SLC14A2: variants seen among roughly 807,000 people sequenced by gnomAD.
SLC14A2 encodes the protein urea transporter 2.
Under a neutral mutation model 104.6 loss-of-function variants are expected in SLC14A2, and 91 were observed. The observed-to-expected ratio is 0.87, with a 90% CI of 0.73 to 1.04. The LOEUF is 1.04. Among genes scored for constraint, SLC14A2 ranks in the 50% least tolerant of loss-of-function variants. SLC14A2 has a pLI of 0.00. For synonymous variants in SLC14A2, 476 were observed against 466.4 expected, an observed-to-expected ratio of 1.02 and a Z score of -0.27; for missense variants, 1,189 against 1,156.0, an observed-to-expected ratio of 1.03 and a Z score of -0.41.
intron 1 of SLC14A2, among the ~76,000 whole-genome samples, chr18:45,358,404 G>C (rs1166809430): frequency 2.6e-5 from 4 of 152,124 alleles, no homozygotes; most frequent in Admixed American, 6.5e-5. Flanking sequence ...ACCACTCCCT[G>C]CTCCTATAGG....
At chr18:45,426,730 C>CACACACACACAT (rs1352896029) in intron 1 of SLC14A2, among the ~76,000 whole-genome samples, 56 of 150,048 alleles carry the variant, frequency 3.7e-4, no homozygotes, top group African/African-American at 1.4e-3. Context: ...CACACACACA[C>CACACACACACAT]ACATACATAC....
intron 2 of SLC14A2, chr18:45,527,871 GACCAAA>G (rs1197842168): frequency 5.9e-5 from 9 of 152,112 alleles, no homozygotes; most frequent in African/African-American, 1.9e-4. Context: ...CTATTCTTGT[GACCAAA>G]TCAACAGCTC....
the SLC14A2 span, among the ~76,000 whole-genome samples, chr18:45,169,601 G>A: frequency 6.6e-6 from 1 of 152,102 alleles, no homozygotes; most frequent in Non-Finnish European, 1.5e-5. Flanking sequence ...CTGGGCTTAG[G>A]TTGAATATAA....
chr18:45,274,319 T>G (rs1033081588), intron 1 of SLC14A2, among the ~76,000 whole-genome samples: 56 of 152,210 alleles, frequency 3.7e-4, no homozygotes, highest in Admixed American at 7.2e-4. Flanking sequence ...AGTCTGCTAC[T>G]TGCTTAAATA....
chr18:45,174,793 C>T, the SLC14A2 span, among the ~76,000 whole-genome samples: 1 of 152,016 alleles, frequency 6.6e-6, no homozygotes, highest in Non-Finnish European at 1.5e-5. Flanking sequence ...AAGGAACAAC[C>T]CACTGGATGG....
the SLC14A2 span, among the ~76,000 whole-genome samples, chr18:45,183,934 T>TTG: frequency 7.6e-6 from 1 of 132,276 alleles, no homozygotes; most frequent in Non-Finnish European, 1.7e-5. Context: ...TTTTTTTTTT[T>TTG]GTGAGACATG....
intron 1 of SLC14A2, among the ~76,000 whole-genome samples, chr18:45,431,271 C>T (rs1305853423): frequency 3.3e-5 from 5 of 151,978 alleles, no homozygotes; most frequent in Admixed American, 1.3e-4. Context: ...AAATATATTA[C>T]ACGTCTAGCA....
chr18:45,540,793 A>G (rs1194520956), intron 2 of SLC14A2, among the ~76,000 whole-genome samples: 4 of 152,050 alleles, frequency 2.6e-5, no homozygotes, highest in African/African-American at 9.7e-5. Flanking sequence ...AAGCTCCCTG[A>G]GGGCTGGGGT....
chr18:45,550,924 T>G (rs180682277), intron 2 of SLC14A2, among the ~76,000 whole-genome samples: 9 of 152,330 alleles, frequency 5.9e-5, no homozygotes, highest in Admixed American at 5.9e-4. Flanking sequence ...GCTACGGAAC[T>G]GACTTATTCC....
chr18:45,367,755 T>C (rs1391612453), intron 1 of SLC14A2, among the ~76,000 whole-genome samples: 3 of 152,128 alleles, frequency 2.0e-5, no homozygotes, highest in African/African-American at 7.2e-5. Context: ...TTTGTTGTTG[T>C]TGTTGTTGTT....
chr18:45,503,147 C>A (rs2144766690), intron 2 of SLC14A2, among the ~76,000 whole-genome samples: 1 of 152,142 alleles, frequency 6.6e-6, no homozygotes, highest in East Asian at 1.9e-4. Context: ...GGCAAGCATG[C>A]TTCTTTTAGG....
chr18:45,385,202 A>G (rs2085881789), intron 1 of SLC14A2, among the ~76,000 whole-genome samples: 1 of 152,204 alleles, frequency 6.6e-6, no homozygotes, highest in Admixed American at 6.5e-5. Flanking sequence ...GAAGCCAGAC[A>G]TTATCTTAAA....
chr18:45,632,560 T>C (rs1275696925), intron 5 of SLC14A2, 82 bp downstream of exon 5: 5 of 1,493,744 alleles, frequency 3.3e-6, no homozygotes, highest in Non-Finnish European at 4.5e-6. Context: ...AGACAGGACA[T>C]ACACATGTGG....
At chr18:45,471,953 G>T (rs985582755) in intron 1 of SLC14A2, among the ~76,000 whole-genome samples, 3 of 151,782 alleles carry the variant, frequency 2.0e-5, no homozygotes, top group African/African-American at 7.3e-5. Context: ...AGGTATACAC[G>T]TGCCATGGTG....
intron 1 of SLC14A2, among the ~76,000 whole-genome samples, chr18:45,344,383 T>C (rs545713695): frequency 1.1e-3 from 165 of 152,178 alleles, no homozygotes; most frequent in Non-Finnish European, 2.1e-3. Flanking sequence ...TAACCCCAAG[T>C]TCCGCTGGCT....
At chr18:45,353,463 A>G (rs1220239695) in intron 1 of SLC14A2, among the ~76,000 whole-genome samples, 1 of 152,224 alleles carries the variant, frequency 6.6e-6, no homozygotes, top group African/African-American at 2.4e-5. Flanking sequence ...GTGTCCTTGT[A>G]GGTCAATTGT....
chr18:45,228,655 G>A (rs2084143626), intron 1 of SLC14A2, among the ~76,000 whole-genome samples: 2 of 152,138 alleles, frequency 1.3e-5, no homozygotes. Context: ...CTAACCTGCA[G>A]GGAAACTAAA....
intron 1 of SLC14A2, among the ~76,000 whole-genome samples, chr18:45,341,107 C>A (rs1180181654): frequency 6.6e-6 from 1 of 151,270 alleles, no homozygotes. Flanking sequence ...GACAACTGAC[C>A]AAGATTGTGG....
intron 10 of SLC14A2, among the ~76,000 whole-genome samples, chr18:45,659,512 C>T (rs1373216583): frequency 6.6e-6 from 1 of 152,190 alleles, no homozygotes; most frequent in Non-Finnish European, 1.5e-5. Flanking sequence ...ATTTTCTTCT[C>T]TTTCATTAAT....
Sources: allele counts gnomAD v4.1 joint callset (sites outside exome capture counted in the v4.1 genomes callset), GRCh38; gene constraint gnomAD v4.1.1; transcripts MANE v1.5; gene names NCBI Gene and HGNC (gene_info 2026-07-23, HGNC 2026-07-21).